The following GRXCR2 variants were observed in gnomAD, a reference collection of about 807,000 sequenced individuals.
GRXCR2 encodes the protein glutaredoxin domain-containing cysteine-rich protein 2.
In GRXCR2, 23 loss-of-function variants were observed where a neutral mutation model predicts 24.8. The observed-to-expected ratio is 0.93, with a 90% confidence interval of 0.67 to 1.32. GRXCR2 has a LOEUF of 1.32. GRXCR2 is among the 40% of genes most tolerant of loss of function. The pLI is 0.00. For synonymous variants in GRXCR2, 130 were observed against 116.1 expected (o/e 1.12, Z -0.77); for missense variants, 315 against 303.4 (o/e 1.04, Z -0.28).
intron 2 of GRXCR2, among the ~76,000 whole-genome samples, chr5:145,911,527 C>T: frequency 6.6e-6 from 1 of 152,176 alleles, no homozygotes; most frequent in East Asian, 1.9e-4. Flanking sequence ...AAGAAAATAT[C>T]TAGGAGATGA....
At position 145,859,730 on chromosome 5, in the gene GRXCR2, G is replaced by T. The variant is rs761960449; in HGVS notation, c.*3C>A. The T allele has an allele frequency of 1.2e-6, 2 of 1,613,684 alleles. No individual in the cohort carries two copies. The highest frequency in any genetic ancestry group is 4.5e-5 in the East Asian group (2 of 44,884). ...ATAACAGTGGACATGCAAAAGCCACGGGCTATTGATTGCAAATCTGGCAAG... is the reference window on the plus strand; with the variant it reads ...ATAACAGTGGACATGCAAAAGCCACTGGCTATTGATTGCAAATCTGGCAAG... On this transcript the variant is annotated 3_prime_UTR_variant, in exon 3 of 3. Transcript: ENST00000377976.
intron 2 of GRXCR2, among the ~76,000 whole-genome samples, chr5:145,865,933 T>A (rs566399419): frequency 6.6e-6 from 1 of 151,740 alleles, no homozygotes; most frequent in African/African-American, 2.4e-5. Context: ...AAGACAGGAG[T>A]TCGGGACCAG....
chr5:145,860,101 C>A (rs1476211059), intron 2 of GRXCR2, among the ~76,000 whole-genome samples, 186 bp from the exon 3 acceptor site: 1 of 152,118 alleles, frequency 6.6e-6, no homozygotes, highest in African/African-American at 2.4e-5. Context: ...GAGAGGATTC[C>A]CCTGGTGGAC....
chr5:145,881,119 C>T (rs1383917737), intron 2 of GRXCR2, among the ~76,000 whole-genome samples: 1 of 152,224 alleles, frequency 6.6e-6, no homozygotes. Context: ...AATACTGGCA[C>T]AAGCCAAGAA....
intron 1 of GRXCR2, among the ~76,000 whole-genome samples, chr5:145,867,406 A>T (rs112622570): frequency 0.014 from 2,185 of 152,272 alleles, 46 homozygotes; most frequent in African/African-American, 0.05. Context: ...TTCCCCCCCA[A>T]AAAATACGAT....
At position 145,859,882 on chromosome 5, in the gene GRXCR2, A is replaced by G. The variant is rs766781755; in HGVS notation, c.598T>C (p.Cys200Arg). The change falls in exon 3 of 3, where the codon TGC becomes CGC. Residue 200 changes from cysteine to arginine, a missense_variant. By Grantham distance (180) the Cys-to-Arg change is radical. Coordinates refer to ENST00000377976, the MANE Select transcript of GRXCR2 (RefSeq NM_001080516.2). ...GDIPEDSCFH[C>R]RGSGSATCSL... ...CAGGTGGCACTGCCCGACCCTCGGCAGTGAAAACAGCTGTCCTCGGGAATA... is the reference window on the plus strand; with the variant it reads ...CAGGTGGCACTGCCCGACCCTCGGCGGTGAAAACAGCTGTCCTCGGGAATA... 7.5e-6 allele frequency: 12 copies of G among 1,600,274 alleles called. No individual in the cohort carries two copies. In the Admixed American group the frequency reaches 2.1e-4, roughly 28 times the overall value.
At chr5:145,907,567 C>G (rs1049072602) in intron 2 of GRXCR2, among the ~76,000 whole-genome samples, 1 of 151,936 alleles carries the variant, frequency 6.6e-6, no homozygotes, top group Non-Finnish European at 1.5e-5. Context: ...AATGATCGCT[C>G]TGGCTGCCAC....
In GRXCR2 at chr5:145,866,742, G is replaced by A. The variant is rs539502019; in HGVS notation, c.337-14C>T. On this transcript the variant is annotated splice_polypyrimidine_tract_variant and intron_variant, in intron 1 of 2. Transcript: ENST00000377976. The stretch of plus-strand genomic sequence containing the variant: ...AATAGGTAGGGGCTAGAGAAATGGA[G>A]AATGAGCATGGAAACTTTACCACCA... 6.5e-7 allele frequency: 1 copy of A among 1,532,826 alleles called. No homozygotes were observed. The highest frequency in any genetic ancestry group is 2.2e-5 in the East Asian group (1 of 44,490). The allele number at this position is 1,532,826 out of a possible 1,614,324, so 95.0% of individuals were successfully genotyped here.
At chr5:145,928,055 A>C (rs1428225855) in intron 2 of GRXCR2, among the ~76,000 whole-genome samples, 2 of 152,098 alleles carry the variant, frequency 1.3e-5, no homozygotes, top group Non-Finnish European at 2.9e-5. Flanking sequence ...CAAATTTACA[A>C]GAAAAAAACA....
chr5:145,908,344 A>C (rs2149924680), intron 2 of GRXCR2, among the ~76,000 whole-genome samples: 2 of 152,320 alleles, frequency 1.3e-5, no homozygotes, highest in South Asian at 4.1e-4. Context: ...ATGAAGCCTC[A>C]AGAAAATCTG....
At chr5:145,930,948 T>A (rs1461602494) in intron 2 of GRXCR2, among the ~76,000 whole-genome samples, 1 of 152,210 alleles carries the variant, frequency 6.6e-6, no homozygotes, top group Non-Finnish European at 1.5e-5. Context: ...TTCGCCTAAG[T>A]GATCTATCTG....
chr5:145,868,178 TTG>T (rs745530947), intron 1 of GRXCR2, among the ~76,000 whole-genome samples: 27 of 152,142 alleles, frequency 1.8e-4, no homozygotes, highest in Non-Finnish European at 3.7e-4. Context: ...AATATGCAGA[TTG>T]TGAGAACTGT....
chr5:145,872,579 A>G, intron 1 of GRXCR2, 54 bp downstream of exon 1: 4 of 1,448,526 alleles, frequency 2.8e-6, no homozygotes, highest in Non-Finnish European at 3.7e-6. Context: ...GTTTCTCTAA[A>G]CACGTTTTAG....
chr5:145,910,816 A>G (rs995467282), intron 2 of GRXCR2, among the ~76,000 whole-genome samples: 2 of 150,054 alleles, frequency 1.3e-5, no homozygotes, highest in African/African-American at 4.9e-5. Flanking sequence ...CAAAGGGTAG[A>G]TAAGAAGGGG....
At chr5:145,881,208 G>A (rs547759136) in intron 2 of GRXCR2, among the ~76,000 whole-genome samples, 2 of 152,234 alleles carry the variant, frequency 1.3e-5, no homozygotes, top group South Asian at 2.1e-4. Context: ...AGAAATAAAG[G>A]GTATTCAATT....
chr5:145,931,205 T>C (rs2149931815), intron 2 of GRXCR2, among the ~76,000 whole-genome samples: 1 of 152,230 alleles, frequency 6.6e-6, no homozygotes, highest in East Asian at 1.9e-4. Flanking sequence ...TTAATTTTTG[T>C]ATTTTTTGTA....
At chr5:145,865,444 A>G (rs1160132712) in intron 2 of GRXCR2, among the ~76,000 whole-genome samples, 2 of 152,210 alleles carry the variant, frequency 1.3e-5, no homozygotes, top group African/African-American at 2.4e-5. Flanking sequence ...AGAGGAAAAC[A>G]TTGGAATATT....
chr5:145,894,608 C>A (rs113572549), intron 2 of GRXCR2, among the ~76,000 whole-genome samples: 5,690 of 152,174 alleles, frequency 0.037, 282 homozygotes, highest in African/African-American at 0.12. Flanking sequence ...CTGAATAGAC[C>A]AATAACAGGC....
chr5:145,884,689 A>G (rs2149916592), intron 2 of GRXCR2, among the ~76,000 whole-genome samples: 1 of 152,242 alleles, frequency 6.6e-6, no homozygotes, highest in African/African-American at 2.4e-5. Context: ...CAATTTTTGT[A>G]TGTTTGAAAT....
Sources: gnomAD v4.1 joint callset for allele counts (sites outside exome capture counted in the v4.1 genomes callset) on GRCh38, gnomAD v4.1.1 for gene constraint, MANE v1.5 for transcripts, NCBI Gene and HGNC (gene_info 2026-07-23, HGNC 2026-07-21) for gene names.